The following PRKN variants were observed in gnomAD, a reference collection of about 807,000 sequenced individuals.
The protein encoded by PRKN is parkin RBR E3 ubiquitin protein ligase.
In PRKN, 56 loss-of-function variants were observed where a neutral mutation model predicts 59.5. The observed-to-expected ratio is 0.94, with a 90% confidence interval of 0.76 to 1.18. The LOEUF is 1.18. PRKN is among the 50% of genes most tolerant of loss of function. The probability of loss-of-function intolerance (pLI) is 0.00; values close to 1 mark genes in which losing one functional copy is unlikely to be tolerated. For synonymous variants in PRKN, 250 were observed against 222.1 expected, an observed-to-expected ratio of 1.13 and a Z score of -1.12; for missense variants, 657 against 596.4, an observed-to-expected ratio of 1.10 and a Z score of -1.06.
At chr6:162,219,274 C>T (rs894091143) in intron 3 of PRKN, among the ~76,000 whole-genome samples, 10 of 152,262 alleles carry the variant, frequency 6.6e-5, no homozygotes, top group South Asian at 2.1e-4. Flanking sequence ...TCTACTAGAA[C>T]GCAGTGGATT....
At chr6:161,977,616 G>A (rs1049779581) in intron 5 of PRKN, among the ~76,000 whole-genome samples, 1 of 142,072 alleles carries the variant, frequency 7.0e-6, no homozygotes, top group Non-Finnish European at 1.5e-5. Flanking sequence ...GCACGATCTT[G>A]GCTCATTGCA....
chr6:162,658,971 T>C (rs1778775288), intron 1 of PRKN, among the ~76,000 whole-genome samples: 1 of 152,198 alleles, frequency 6.6e-6, no homozygotes, highest in Non-Finnish European at 1.5e-5. Flanking sequence ...ATACATTCTA[T>C]CAATATATAC....
chr6:161,933,972 T>C (rs771039856), intron 6 of PRKN, among the ~76,000 whole-genome samples: 1 of 152,238 alleles, frequency 6.6e-6, no homozygotes, highest in Non-Finnish European at 1.5e-5. Flanking sequence ...ATTGGACTTG[T>C]GTTGGTTTAT....
intron 2 of PRKN, among the ~76,000 whole-genome samples, chr6:162,431,635 G>A (rs887369190): frequency 6.6e-6 from 1 of 152,036 alleles, no homozygotes; most frequent in African/African-American, 2.4e-5. Flanking sequence ...TTTATTTAAA[G>A]AAACAGACTG....
chr6:162,430,173 C>CAATGAT (rs1554321780), intron 2 of PRKN, among the ~76,000 whole-genome samples: 3,691 of 150,968 alleles, frequency 0.024, 167 homozygotes, highest in African/African-American at 0.084. Flanking sequence ...ACGACGACGA[C>CAATGAT]GATGATGATG....
rs1223648404 is a variant in PRKN, at chr6:161,579,962, C to G, written c.872-10546G>C. On this transcript the variant is annotated intron_variant, in intron 7 of 11. Coordinates refer to ENST00000366898, the MANE Select transcript of PRKN (RefSeq NM_004562.3). The surrounding 1 kb of genome is among the most constrained non-coding windows in gnomAD (Gnocchi z 4.2). ...AAAAAACAAAACCCATGTAAGCACT[C>G]TAAATATTGCCACTTAAATTCATCA... Among the ~76,000 whole-genome samples the G allele has an allele frequency of 6.6e-6, 1 of 152,136 alleles. No homozygotes were observed. Among genetic ancestry groups the G allele is most frequent in the South Asian group, 2.1e-4 (1 of 4,834 alleles).
intron 1 of PRKN, among the ~76,000 whole-genome samples, chr6:162,619,004 T>C (rs944225584): frequency 6.6e-6 from 1 of 152,272 alleles, no homozygotes; most frequent in Admixed American, 6.5e-5. Context: ...AGTATACCAA[T>C]AAGGATTGAT....
At chr6:162,171,274 A>G (rs890313300) in intron 4 of PRKN, among the ~76,000 whole-genome samples, 5 of 152,188 alleles carry the variant, frequency 3.3e-5, no homozygotes, top group Non-Finnish European at 7.4e-5. Context: ...GAAACAGGCT[A>G]AGATTTATCC....
At chr6:162,313,688 T>C (rs920461811) in intron 2 of PRKN, among the ~76,000 whole-genome samples, 7 of 151,964 alleles carry the variant, frequency 4.6e-5, no homozygotes. Context: ...GGTTTCATCA[T>C]GTTGGCTAGA....
At chr6:162,726,807 G>A (rs999833602) in intron 1 of PRKN, among the ~76,000 whole-genome samples, 5 of 152,080 alleles carry the variant, frequency 3.3e-5, no homozygotes, top group Admixed American at 3.3e-4. Flanking sequence ...CCACAATAAT[G>A]AAACCCCATC....
chr6:162,164,116 A>G lies in PRKN; in HGVS notation c.534+37015T>C, dbSNP rs1782877640. Among the ~76,000 whole-genome samples the G allele has an allele frequency of 1.3e-5, 2 of 149,362 alleles. 1 individual carries two copies. The highest frequency in any genetic ancestry group is 3.0e-5 in the Non-Finnish European group (2 of 67,464). ...CAAGTGTGGAATACCAGCTGTTGAAATGTTAAGTCAAATGAAGTAGAAATG... is the reference window on the plus strand; with the variant it reads ...CAAGTGTGGAATACCAGCTGTTGAAGTGTTAAGTCAAATGAAGTAGAAATG... On this transcript the variant is annotated intron_variant, in intron 4 of 11. Transcript: ENST00000366898.
intron 1 of PRKN, among the ~76,000 whole-genome samples, chr6:162,659,946 A>G (rs1363960485): frequency 1.3e-5 from 2 of 152,150 alleles, no homozygotes; most frequent in African/African-American, 4.8e-5. Flanking sequence ...TCATATCATT[A>G]TGAAACATCA....
At chr6:162,568,471 G>T in intron 1 of PRKN, 1 of 640,594 alleles carries the variant, frequency 1.6e-6, no homozygotes, top group Non-Finnish European at 2.9e-6. Context: ...GGCTCTGGTG[G>T]GGCCGGCGGC....
At chr6:161,973,698 C>A (rs563151440) in intron 5 of PRKN, among the ~76,000 whole-genome samples, 1 of 152,152 alleles carries the variant, frequency 6.6e-6, no homozygotes, top group Admixed American at 6.5e-5. Context: ...CCATGCCCCT[C>A]GATGATAATA....
intron 5 of PRKN, among the ~76,000 whole-genome samples, chr6:162,030,356 G>T (rs1225703594): frequency 6.6e-6 from 1 of 152,110 alleles, no homozygotes; most frequent in East Asian, 1.9e-4. Context: ...ATGTAAAACG[G>T]CCCCAGTTAC....
At chr6:162,429,640 T>C (rs766770217) in intron 2 of PRKN, among the ~76,000 whole-genome samples, 1 of 152,116 alleles carries the variant, frequency 6.6e-6, no homozygotes, top group Non-Finnish European at 1.5e-5. Flanking sequence ...CCTGCCACCC[T>C]GTCACACCCA....
chr6:161,770,922 G>A (rs1161034545), intron 7 of PRKN, among the ~76,000 whole-genome samples: 1 of 152,110 alleles, frequency 6.6e-6, no homozygotes, highest in Admixed American at 6.5e-5. Flanking sequence ...TACCAGCCAA[G>A]GAGAGAGGCT....
intron 1 of PRKN, among the ~76,000 whole-genome samples, chr6:162,643,412 A>AAAAAAAG (rs71784410): frequency 1.2e-4 from 17 of 139,674 alleles, no homozygotes; most frequent in East Asian, 2.3e-4. Context: ...AAAAAAAAAA[A>AAAAAAAG]AAAGAAAGAA....
intron 6 of PRKN, among the ~76,000 whole-genome samples, chr6:161,841,799 C>T (rs963187618): frequency 6.6e-5 from 10 of 152,198 alleles, no homozygotes; most frequent in Non-Finnish European, 1.5e-5. Flanking sequence ...TCACCTCGGC[C>T]TGCCTACAGC....
Sources: allele counts gnomAD v4.1 joint callset (sites outside exome capture counted in the v4.1 genomes callset), GRCh38; gene constraint gnomAD v4.1.1; non-coding constraint Gnocchi (gnomAD v3.1); transcripts MANE v1.5; gene names NCBI Gene and HGNC (gene_info 2026-07-23, HGNC 2026-07-21).